The following FARP1 variants were observed in gnomAD, a reference collection of about 807,000 sequenced individuals.
The protein encoded by FARP1 is FERM, ARH/RhoGEF and pleckstrin domain protein 1.
Under a neutral mutation model 128.8 loss-of-function variants are expected in FARP1, and 52 were observed. The observed-to-expected ratio is 0.40, with a 90% CI of 0.32 to 0.51. The LOEUF (loss-of-function observed/expected upper bound fraction) is 0.51. Ranked by LOEUF, FARP1 falls within the 20% of genes least tolerant of loss-of-function variation. The probability of loss-of-function intolerance (pLI) is 0.45; values close to 1 mark genes in which losing one functional copy is unlikely to be tolerated. For synonymous variants in FARP1, 580 were observed against 551.8 expected, an observed-to-expected ratio of 1.05 and a Z score of -0.72; for missense variants, 1,333 against 1,367.9, an observed-to-expected ratio of 0.97 and a Z score of 0.40.
chr13:98,443,635 TC>T (rs1294901940), intron 24 of FARP1, among the ~76,000 whole-genome samples: 13 of 152,158 alleles, frequency 8.5e-5, no homozygotes, highest in African/African-American at 3.1e-4. Context: ...CTCACTGGCC[TC>T]TGCTAAAAGT....
chr13:98,419,364 C>T (rs1240467419), intron 16 of FARP1, among the ~76,000 whole-genome samples: 1 of 152,026 alleles, frequency 6.6e-6, no homozygotes, highest in Non-Finnish European at 1.5e-5. Flanking sequence ...ATCCCAGCTA[C>T]TCGGGAGGCA....
At position 98,163,598 on chromosome 13, in the gene FARP1, G is replaced by A. The variant is rs557039724; in HGVS notation, c.-24+20106G>A. 1.9e-4 allele frequency among the ~76,000 whole-genome samples: 28 copies of A among 151,294 alleles called. No individual in the cohort carries two copies. In the South Asian group the frequency reaches 5.6e-3, roughly 30 times the overall value. The stretch of plus-strand genomic sequence containing the variant: ...GTCACCCGGGCTGGAGTGCAGTGGC[G>A]TGATCTAGACTCACTGCAACCTCTG... On this transcript the variant is annotated intron_variant, in intron 1 of 26. Coordinates refer to ENST00000319562, the MANE Select transcript of FARP1 (RefSeq NM_005766.4).
intron 2 of FARP1, among the ~76,000 whole-genome samples, chr13:98,240,380 CAGGA>C (rs1162597106): frequency 6.6e-6 from 1 of 152,040 alleles, no homozygotes; most frequent in Non-Finnish European, 1.5e-5. Context: ...CCTTCCCAGG[CAGGA>C]AGGGAGGATG....
At chr13:98,380,558 G>A (rs900869093) in intron 6 of FARP1, among the ~76,000 whole-genome samples, 2 of 151,932 alleles carry the variant, frequency 1.3e-5, no homozygotes, top group African/African-American at 4.8e-5. Flanking sequence ...ATCAAAAGAT[G>A]ATGTTCACTA....
intron 3 of FARP1, among the ~76,000 whole-genome samples, chr13:98,361,521 C>T (rs531652416): frequency 1.3e-5 from 2 of 152,254 alleles, no homozygotes; most frequent in East Asian, 3.9e-4. Context: ...GTTCTGTGGC[C>T]ACCCTGGCAG....
chr13:98,247,278 C>T (rs1883117370), intron 2 of FARP1, among the ~76,000 whole-genome samples: 4 of 152,206 alleles, frequency 2.6e-5, no homozygotes, highest in South Asian at 4.1e-4. Context: ...ACCTAGAAGA[C>T]GATGCGTGCC....
chr13:98,329,721 T>G (rs1887405042), intron 2 of FARP1: 1 of 152,196 alleles, frequency 6.6e-6, no homozygotes, highest in Non-Finnish European at 1.5e-5. Context: ...TATAGTTGTT[T>G]TTGTTAAAGA....
intron 2 of FARP1, among the ~76,000 whole-genome samples, chr13:98,257,443 A>T (rs1190605625): frequency 7.2e-6 from 1 of 138,964 alleles, no homozygotes; most frequent in African/African-American, 3.0e-5. Context: ...TTTCTGCACT[A>T]TCTATTATAC....
intron 2 of FARP1, among the ~76,000 whole-genome samples, chr13:98,216,787 G>T (rs1881087355): frequency 6.6e-6 from 1 of 152,182 alleles, no homozygotes; most frequent in Admixed American, 6.5e-5. Context: ...GTTTCCACAA[G>T]CACCTCTGTG....
intron 1 of FARP1, among the ~76,000 whole-genome samples, chr13:98,170,923 G>A (rs1877609960): frequency 6.6e-6 from 1 of 152,064 alleles, no homozygotes; most frequent in African/African-American, 2.4e-5. Context: ...GAATTTTTGT[G>A]CACATGGATG....
rs1050517544 is a variant in FARP1 at position 98,418,854 on chromosome 13, G to A, written c.1827-5718G>A. On this transcript the variant is annotated intron_variant, in intron 16 of 26. Coordinates refer to ENST00000319562, the MANE Select transcript of FARP1 (RefSeq NM_005766.4). ...GAATGATACCGGGGCTCACCTGGAT[G>A]CTATCAAACCTGCCTGTGACCGGGT... is the stretch of plus-strand genomic sequence containing the variant. Among the ~76,000 whole-genome samples the A allele has an allele frequency of 1.5e-4, 23 of 152,180 alleles. 1 individual carries two copies. The highest frequency in any genetic ancestry group is 5.6e-4 in the African/African-American group (23 of 41,430).
intron 24 of FARP1, among the ~76,000 whole-genome samples, chr13:98,442,076 A>G (rs1797327387): frequency 6.6e-6 from 1 of 152,168 alleles, no homozygotes; most frequent in Non-Finnish European, 1.5e-5. Flanking sequence ...GCCATTCATC[A>G]TTGTGATTGT....
At chr13:98,298,129 C>T (rs1246792022) in intron 2 of FARP1, among the ~76,000 whole-genome samples, 1 of 152,222 alleles carries the variant, frequency 6.6e-6, no homozygotes, top group African/African-American at 2.4e-5. Context: ...CTGCGCAGCA[C>T]GGTGGCCCTG....
At chr13:98,392,323 C>CAAAAAAAAGAAAAAAAAAAAAA (rs1890338718) in intron 11 of FARP1, among the ~76,000 whole-genome samples, 1 of 60,410 alleles carries the variant, frequency 1.7e-5, no homozygotes, top group African/African-American at 6.6e-5. Flanking sequence ...CATCTCTACC[C>CAAAAAAAAGAAAAAAAAAAAAA]AAAAAAAAAA....
At chr13:98,215,660 A>G (rs1881017256) in intron 2 of FARP1, among the ~76,000 whole-genome samples, 1 of 152,222 alleles carries the variant, frequency 6.6e-6, no homozygotes, top group African/African-American at 2.4e-5. Context: ...CCCAGCATCT[A>G]GCATGGCACC....
At chr13:98,432,665 C>T (rs575570797) in intron 18 of FARP1, 28 of 152,370 alleles carry the variant, frequency 1.8e-4, no homozygotes, top group African/African-American at 6.7e-4. Flanking sequence ...CTTCTTACAC[C>T]TTGGCTTAAA....
At chr13:98,239,022 A>C (rs1882609655) in intron 2 of FARP1, among the ~76,000 whole-genome samples, 1 of 152,126 alleles carries the variant, frequency 6.6e-6, no homozygotes, top group East Asian at 1.9e-4. Context: ...GGAAAGTCTG[A>C]TTAGTGGTAT....
At chr13:98,415,213 C>G (rs78651221) in intron 16 of FARP1, among the ~76,000 whole-genome samples, 474 of 152,304 alleles carry the variant, frequency 3.1e-3, no homozygotes, top group African/African-American at 0.011. Flanking sequence ...TTGCCAGGCC[C>G]TATCCAGTTC....
chr13:98,217,333 G>T (rs957557982), intron 2 of FARP1, among the ~76,000 whole-genome samples: 10 of 152,204 alleles, frequency 6.6e-5, no homozygotes, highest in African/African-American at 1.9e-4. Context: ...CCTAGTGCCT[G>T]TCGAAGGGTT....
Sources: gnomAD v4.1 joint callset for allele counts (sites outside exome capture counted in the v4.1 genomes callset) on GRCh38, gnomAD v4.1.1 for gene constraint, MANE v1.5 for transcripts, NCBI Gene and HGNC (gene_info 2026-07-23, HGNC 2026-07-21) for gene names.